The following KIF16B variants were observed in gnomAD, a reference collection of about 807,000 sequenced individuals.
KIF16B encodes the protein kinesin family member 16B.
A neutral mutation model predicts 156.3 loss-of-function variants in KIF16B; 98 were observed. That is an observed-to-expected ratio of 0.63 (90% CI 0.53 to 0.74). KIF16B has a LOEUF of 0.74. Ranked by LOEUF, KIF16B falls within the 30% of genes least tolerant of loss-of-function variation. The pLI is 0.00. For missense variants in KIF16B, 1,421 were observed against 1,606.5 expected (o/e 0.88, Z 1.97); for synonymous variants, 564 against 583.7 (o/e 0.97, Z 0.49).
chr20:16,351,651 C>T (rs1423605289), intron 23 of KIF16B, among the ~76,000 whole-genome samples: 1 of 151,538 alleles, frequency 6.6e-6, no homozygotes, highest in African/African-American at 2.4e-5. Context: ...CAGCTTTCCC[C>T]ACCCCATCTC....
At chr20:16,560,766 C>G (rs1209967909) in intron 1 of KIF16B, among the ~76,000 whole-genome samples, 1 of 151,396 alleles carries the variant, frequency 6.6e-6, no homozygotes, top group African/African-American at 2.4e-5. Flanking sequence ...GCCTGGGTGA[C>G]AAAGTGAGAT....
intron 24 of KIF16B, among the ~76,000 whole-genome samples, chr20:16,320,324 C>T (rs1033590897): frequency 3.3e-5 from 5 of 151,472 alleles, no homozygotes; most frequent in African/African-American, 1.2e-4. Context: ...TATTACAAGG[C>T]AAATTAAAAG....
At chr20:16,542,183 C>A (rs1264568308) in intron 1 of KIF16B, among the ~76,000 whole-genome samples, 1 of 152,146 alleles carries the variant, frequency 6.6e-6, no homozygotes, top group Non-Finnish European at 1.5e-5. Flanking sequence ...AATAGCCTAA[C>A]AATCAGAAGT....
chr20:16,312,802 T>C (rs1371827064), intron 24 of KIF16B, among the ~76,000 whole-genome samples: 2 of 149,952 alleles, frequency 1.3e-5, no homozygotes. Context: ...AGAATCCAAT[T>C]AGTTTTGTGT....
At chr20:16,519,948 AGCCATGAGGGACTGT>A (rs546851633) in intron 3 of KIF16B, among the ~76,000 whole-genome samples, 33 of 152,260 alleles carry the variant, frequency 2.2e-4, no homozygotes, top group African/African-American at 7.9e-4. Context: ...AGCCAAGGGA[AGCCATGAGGGACTGT>A]GCCGTGAGGG....
chr20:16,335,911 A>G lies in KIF16B; in HGVS notation c.3711+15T>C, dbSNP rs761070350. The G allele has an allele frequency of 4.0e-6, 6 of 1,488,174 alleles. No individual in the cohort carries two copies. The highest frequency in any genetic ancestry group is 1.8e-5 in the Admixed American group (1 of 55,654). 92.2% of individuals were successfully genotyped at this position (1,488,174 alleles called of 1,614,324 possible). A position where few individuals can be genotyped will look rare whatever the true frequency, so the allele number is the denominator to read the frequency against. ...ATGAATGCTCTTAATCGGAGATAAT[A>G]ATTTCATAACTTACCTCTGCATACT... On this transcript the variant is annotated intron_variant, in intron 24 of 25. Transcript: ENST00000354981.
At chr20:16,312,694 A>G (rs1045162614) in intron 24 of KIF16B, among the ~76,000 whole-genome samples, 4 of 152,120 alleles carry the variant, frequency 2.6e-5, no homozygotes, top group African/African-American at 7.2e-5. Context: ...CTCAGATGAC[A>G]TATCAGACTC....
rs912105588 is a variant in KIF16B, at chr20:16,503,971, A to G, written c.1176+401T>C. Among the ~76,000 whole-genome samples, 6 of 152,342 alleles carry G rather than the reference A, an allele frequency of 3.9e-5. No homozygotes were observed. In the South Asian group the frequency reaches 6.2e-4, roughly 16 times the overall value. On this transcript the variant is annotated intron_variant, in intron 10 of 25. Transcript: ENST00000354981. ...GGTGATATGACACAGGCATTCAGAAAGGTGTTCAAACAAGTCTTTTATTCT... is the reference window on the plus strand; with the variant it reads ...GGTGATATGACACAGGCATTCAGAAGGGTGTTCAAACAAGTCTTTTATTCT...
chr20:16,504,609 T>C (rs2147001666), intron 9 of KIF16B, 62 bp from the exon 10 acceptor site: 1 of 1,490,588 alleles, frequency 6.7e-7, no homozygotes, highest in Non-Finnish European at 9.3e-7. Context: ...TAACACAAAG[T>C]TGGTTTGTAA....
intron 12 of KIF16B, among the ~76,000 whole-genome samples, chr20:16,489,653 C>T (rs536606345): frequency 1.3e-5 from 2 of 151,430 alleles, no homozygotes; most frequent in Admixed American, 1.3e-4. Context: ...GCCAAGATCG[C>T]ACCACTGCAC....
At chr20:16,440,846 C>T (rs954313915) in intron 12 of KIF16B, among the ~76,000 whole-genome samples, 25 of 152,188 alleles carry the variant, frequency 1.6e-4, no homozygotes, top group Non-Finnish European at 1.0e-4. Flanking sequence ...TAAGTGTTGG[C>T]ACACAGTTCA....
chr20:16,277,788 T>C (rs933616811), intron 25 of KIF16B, among the ~76,000 whole-genome samples: 4 of 152,142 alleles, frequency 2.6e-5, no homozygotes, highest in Non-Finnish European at 5.9e-5. Context: ...GGAAAAAGAT[T>C]TGTGAAATCC....
rs546089274 is a variant in KIF16B at position 16,354,900 on chromosome 20, C to T, written c.3621+1430G>A. Among the ~76,000 whole-genome samples, 35 of 151,992 alleles carry T rather than the reference C, an allele frequency of 2.3e-4. No homozygotes were observed. In the South Asian group the frequency reaches 6.4e-3, roughly 28 times the overall value. ...GGCGGAGGTTGCAGTGAGCTGAGAT[C>T]GCGCCACTGCACTCCAGCCTGGGCA... is the stretch of plus-strand genomic sequence containing the variant. On this transcript the variant is annotated intron_variant, in intron 23 of 25. Coordinates refer to ENST00000354981, the MANE Select transcript of KIF16B (RefSeq NM_024704.5).
chr20:16,317,770 A>C (rs1012519839), intron 24 of KIF16B, among the ~76,000 whole-genome samples: 2 of 152,218 alleles, frequency 1.3e-5, no homozygotes, highest in Non-Finnish European at 2.9e-5. Context: ...ACGGGAGACA[A>C]GGGTGGCCTG....
chr20:16,446,213 T>C (rs2066927204), intron 12 of KIF16B, among the ~76,000 whole-genome samples: 2 of 152,220 alleles, frequency 1.3e-5, no homozygotes, highest in African/African-American at 4.8e-5. Flanking sequence ...GTTCACTTCA[T>C]TGCTAAAAGG....
chr20:16,395,027 T>C (rs1293606411), intron 17 of KIF16B, among the ~76,000 whole-genome samples: 3 of 151,244 alleles, frequency 2.0e-5, no homozygotes, highest in Non-Finnish European at 4.4e-5. Context: ...AACTAGATTC[T>C]ATGTCTGTTT....
intron 4 of KIF16B, among the ~76,000 whole-genome samples, chr20:16,514,885 CAAAAAAAAAAAAAAAA>C (rs10564862): frequency 2.5e-4 from 15 of 60,778 alleles, no homozygotes; most frequent in African/African-American, 4.5e-4. Flanking sequence ...GATTCCATCT[CAAAAAAAAAAAAAAAA>C]AAAAAAAAAA....
At chr20:16,528,747 C>CA (rs200009535) in intron 1 of KIF16B, among the ~76,000 whole-genome samples, 2,004 of 151,824 alleles carry the variant, frequency 0.013, 19 homozygotes, top group Non-Finnish European at 0.021. Flanking sequence ...TAAGACTCAC[C>CA]AAAAAAAAGT....
At chr20:16,553,698 T>C (rs1017399777) in intron 1 of KIF16B, among the ~76,000 whole-genome samples, 1 of 152,216 alleles carries the variant, frequency 6.6e-6, no homozygotes, top group African/African-American at 2.4e-5. Context: ...TATTCATTAT[T>C]TAGTTATGTA....
Sources: allele counts gnomAD v4.1 joint callset (sites outside exome capture counted in the v4.1 genomes callset), GRCh38; gene constraint gnomAD v4.1.1; transcripts MANE v1.5; gene names NCBI Gene and HGNC (gene_info 2026-07-23, HGNC 2026-07-21).